The following KLHL32 variants were observed in gnomAD, a reference collection of about 807,000 sequenced individuals.
KLHL32 encodes kelch like family member 32.
Under a neutral mutation model 64.8 loss-of-function variants are expected in KLHL32, and 35 were observed. The observed-to-expected ratio is 0.54, with a 90% confidence interval of 0.41 to 0.72. The LOEUF (loss-of-function observed/expected upper bound fraction) is 0.72, where lower values mean the gene tolerates loss of function less well. KLHL32 is among the 30% of genes least tolerant of loss of function. KLHL32 has a pLI of 0.00. For missense variants in KLHL32, 589 were observed against 768.5 expected, an observed-to-expected ratio of 0.77 and a Z score of 2.76; for synonymous variants, 259 against 281.0, an observed-to-expected ratio of 0.92 and a Z score of 0.78.
At chr6:97,039,241 G>A (rs1784757836) in intron 3 of KLHL32, among the ~76,000 whole-genome samples, 1 of 152,146 alleles carries the variant, frequency 6.6e-6, no homozygotes, top group Admixed American at 6.6e-5. Context: ...CAGCAATGTG[G>A]ATGGAATTAG....
chr6:97,066,314 G>T (rs1245367545), intron 5 of KLHL32, among the ~76,000 whole-genome samples: 1 of 152,086 alleles, frequency 6.6e-6, no homozygotes, highest in Admixed American at 6.5e-5. Flanking sequence ...GGGGTGTGTG[G>T]GTATACCTAA....
At chr6:96,962,215 C>G (rs1453763733) in intron 1 of KLHL32, among the ~76,000 whole-genome samples, 1 of 152,130 alleles carries the variant, frequency 6.6e-6, no homozygotes, top group African/African-American at 2.4e-5. Flanking sequence ...AAGTGAGACT[C>G]TAGCAACTTT....
intron 6 of KLHL32, among the ~76,000 whole-genome samples, chr6:97,093,787 A>G (rs1388229415): frequency 2.6e-5 from 4 of 152,316 alleles, no homozygotes; most frequent in African/African-American, 9.6e-5. Flanking sequence ...TATTCCTTCA[A>G]AGTACACGAT....
At chr6:97,032,474 A>G (rs1783698256) in intron 3 of KLHL32, among the ~76,000 whole-genome samples, 1 of 152,188 alleles carries the variant, frequency 6.6e-6, no homozygotes, top group South Asian at 2.1e-4. Flanking sequence ...TGTTATCCTG[A>G]TTACTTTTGA....
At chr6:97,048,560 G>GT (rs1407609322) in intron 4 of KLHL32, among the ~76,000 whole-genome samples, 2 of 152,100 alleles carry the variant, frequency 1.3e-5, no homozygotes, top group Non-Finnish European at 2.9e-5. Context: ...TAGTAACTTT[G>GT]TTTTTTTGAT....
At position 96,924,801 on chromosome 6, in the gene KLHL32, G is replaced by GCACACACACACACACA. The variant is rs57457444; in HGVS notation, c.-271_-256dup. On this transcript the variant is annotated 5_prime_UTR_variant, in exon 1 of 11. Coordinates refer to ENST00000369261, the MANE Select transcript of KLHL32 (RefSeq NM_052904.4). ...CAGTCGCGCGCACACACGCACGCAG[G>GCACACACACACACACA]CACACACACACACACACACACACAC... 31 of 149,008 alleles carry GCACACACACACACACA rather than the reference G, an allele frequency of 2.1e-4. No homozygotes were observed. The highest frequency in any genetic ancestry group is 1.1e-3 in the South Asian group (5 of 4,666). 9.2% of individuals were successfully genotyped at this position (149,008 alleles called of 1,614,324 possible). A position where few individuals can be genotyped will look rare whatever the true frequency, so the allele number is the denominator to read the frequency against.
At chr6:96,931,727 A>C (rs1769914960) in intron 1 of KLHL32, among the ~76,000 whole-genome samples, 1 of 152,208 alleles carries the variant, frequency 6.6e-6, no homozygotes, top group Non-Finnish European at 1.5e-5. Context: ...TTATAGCTCC[A>C]GAAAAGAATA....
chr6:97,066,957 A>C (rs1789859206), intron 5 of KLHL32, among the ~76,000 whole-genome samples: 1 of 152,198 alleles, frequency 6.6e-6, no homozygotes, highest in African/African-American at 2.4e-5. Flanking sequence ...ATGCTGATAT[A>C]TTCTCTATCT....
chr6:96,960,494 G>T (rs1158397676), intron 1 of KLHL32, among the ~76,000 whole-genome samples: 1 of 152,076 alleles, frequency 6.6e-6, no homozygotes, highest in South Asian at 2.1e-4. Context: ...ACTTCTGTTT[G>T]TTTTTCTCTT....
intron 5 of KLHL32, among the ~76,000 whole-genome samples, chr6:97,074,339 A>G (rs1426976292): frequency 6.6e-6 from 1 of 152,180 alleles, no homozygotes; most frequent in Non-Finnish European, 1.5e-5. Context: ...CTCCCGCTCT[A>G]GATTCTGTTG....
chr6:96,905,637 T>G, the KLHL32 span, among the ~76,000 whole-genome samples: 1 of 152,240 alleles, frequency 6.6e-6, no homozygotes, highest in Admixed American at 6.5e-5. Flanking sequence ...TGTTGTGAGA[T>G]ATGATCCATT....
At chr6:96,968,227 C>T (rs1223875932) in intron 2 of KLHL32, among the ~76,000 whole-genome samples, 1 of 152,070 alleles carries the variant, frequency 6.6e-6, no homozygotes, top group East Asian at 1.9e-4. Flanking sequence ...GGTTTTGCCA[C>T]CAGTGTACGT....
intron 10 of KLHL32, among the ~76,000 whole-genome samples, chr6:97,138,082 A>G (rs1349527590): frequency 6.6e-6 from 1 of 152,254 alleles, no homozygotes; most frequent in African/African-American, 2.4e-5. Flanking sequence ...AGAAAAGTCA[A>G]ATGAAAAGGG....
At chr6:96,940,477 T>C (rs1244953079) in intron 1 of KLHL32, among the ~76,000 whole-genome samples, 4 of 152,204 alleles carry the variant, frequency 2.6e-5, no homozygotes, top group Admixed American at 1.3e-4. Flanking sequence ...GCTGCTGATA[T>C]CCAAAATGTA....
chr6:97,091,538 G>A (rs1031213724), intron 6 of KLHL32, among the ~76,000 whole-genome samples: 7 of 152,158 alleles, frequency 4.6e-5, no homozygotes, highest in Admixed American at 6.5e-5. Flanking sequence ...GGGGCTTTCC[G>A]CTTGCTGCTC....
intron 3 of KLHL32, among the ~76,000 whole-genome samples, chr6:97,032,502 G>A (rs937819140): frequency 2.0e-5 from 3 of 152,118 alleles, no homozygotes; most frequent in East Asian, 1.9e-4. Context: ...TAGAAATGTC[G>A]ATTTTTAAAA....
At chr6:96,979,110 A>T (rs1450020628) in intron 3 of KLHL32, among the ~76,000 whole-genome samples, 1 of 151,682 alleles carries the variant, frequency 6.6e-6, no homozygotes, top group Non-Finnish European at 1.5e-5. Context: ...GTTTGTTGAT[A>T]GTTTCTGTTG....
chr6:97,109,527 G>A (rs149824676), intron 6 of KLHL32, among the ~76,000 whole-genome samples: 7 of 152,310 alleles, frequency 4.6e-5, no homozygotes, highest in Non-Finnish European at 8.8e-5. Flanking sequence ...AGTGGTCACC[G>A]TTCCATGGCT....
chr6:97,007,763 C>T (rs1353607701), intron 3 of KLHL32, among the ~76,000 whole-genome samples: 1 of 152,166 alleles, frequency 6.6e-6, no homozygotes, highest in Non-Finnish European at 1.5e-5. Context: ...AGGCTCAGCT[C>T]AGCACTCCTG....
Sources: gnomAD v4.1 joint callset for allele counts (sites outside exome capture counted in the v4.1 genomes callset) on GRCh38, gnomAD v4.1.1 for gene constraint, MANE v1.5 for transcripts, NCBI Gene and HGNC (gene_info 2026-07-23, HGNC 2026-07-21) for gene names.